The following FHIT variants were observed in gnomAD, a reference collection of about 807,000 sequenced individuals.
FHIT encodes bis(5'-adenosyl)-triphosphatase.
In FHIT, 19 loss-of-function variants were observed where a neutral mutation model predicts 17.9. The observed-to-expected ratio is 1.06, with a 90% CI of 0.74 to 1.56. The LOEUF (loss-of-function observed/expected upper bound fraction) is 1.56, where lower values mean the gene tolerates loss of function less well. Ranked by LOEUF, FHIT falls within the 40% of genes most tolerant of loss-of-function variation. The probability of loss-of-function intolerance (pLI) is 0.00; values close to 1 mark genes in which losing one functional copy is unlikely to be tolerated. For synonymous variants in FHIT, 81 were observed against 69.7 expected (o/e 1.16, Z -0.81); for missense variants, 248 against 189.2 (o/e 1.31, Z -1.82).
At chr3:60,467,733 GA>G (rs2032876704) in intron 5 of FHIT, among the ~76,000 whole-genome samples, 1 of 151,968 alleles carries the variant, frequency 6.6e-6, no homozygotes, top group Non-Finnish European at 1.5e-5. Flanking sequence ...TTTGTGGCCT[GA>G]AATATGGTCT....
chr3:60,372,260 T>C (rs1258252598), intron 5 of FHIT, among the ~76,000 whole-genome samples: 1 of 152,132 alleles, frequency 6.6e-6, no homozygotes, highest in African/African-American at 2.4e-5. Flanking sequence ...GACGTATTCA[T>C]CTTTAAGCCA....
intron 1 of FHIT, among the ~76,000 whole-genome samples, chr3:61,243,209 T>C (rs2040413347): frequency 6.6e-6 from 1 of 152,206 alleles, no homozygotes; most frequent in South Asian, 2.1e-4. Context: ...TTGTCTAGTT[T>C]CTTCTCCACA....
chr3:60,133,641 A>G (rs1699689680), intron 5 of FHIT, among the ~76,000 whole-genome samples: 1 of 151,908 alleles, frequency 6.6e-6, no homozygotes, highest in African/African-American at 2.4e-5. Context: ...AGTCACCTAC[A>G]TGGTCTGCTG....
chr3:60,121,411 C>A (rs1013428488), intron 5 of FHIT, among the ~76,000 whole-genome samples: 8 of 152,108 alleles, frequency 5.3e-5, no homozygotes, highest in African/African-American at 1.4e-4. Flanking sequence ...ACAGGCCGGG[C>A]ACAGTGGCTC....
intron 3 of FHIT, among the ~76,000 whole-genome samples, chr3:61,025,727 A>T (rs1254906385): frequency 6.6e-6 from 1 of 151,980 alleles, no homozygotes; most frequent in Non-Finnish European, 1.5e-5. Flanking sequence ...TTACTCAGGT[A>T]CTGTTTGTTA....
intron 5 of FHIT, among the ~76,000 whole-genome samples, chr3:60,135,579 A>G (rs1489312072): frequency 6.6e-6 from 1 of 152,144 alleles, no homozygotes; most frequent in Non-Finnish European, 1.5e-5. Context: ...AGAGGAGAAG[A>G]GGTTCTACAT....
intron 5 of FHIT, among the ~76,000 whole-genome samples, chr3:60,124,043 G>GAGAGAGAGAGAGACAC (rs1705419057): frequency 8.7e-6 from 1 of 115,504 alleles, no homozygotes; most frequent in Non-Finnish European, 1.8e-5. Context: ...GAGAGAGAGA[G>GAGAGAGAGAGAGACAC]AGAGAGAGAG....
chr3:61,194,015 G>T lies in FHIT; in HGVS notation c.-164+6602C>A, dbSNP rs188675321. On this transcript the variant is annotated intron_variant, in intron 2 of 9. Coordinates refer to ENST00000492590, the MANE Select transcript of FHIT (RefSeq NM_002012.4). ...AAATGTGGTAGAACAAAAGGGGTGTGTTCTACTGGAAATAGAAAATAGATT... is the reference window on the plus strand; with the variant it reads ...AAATGTGGTAGAACAAAAGGGGTGTTTTCTACTGGAAATAGAAAATAGATT... Among the ~76,000 whole-genome samples the T allele has an allele frequency of 3.4e-5, 4 of 118,546 alleles. No homozygotes were observed. The South Asian group carries it at 1.2e-3, about 34-fold the overall frequency. The allele number at this position is 118,546 out of a possible 152,430, so 77.8% of individuals were successfully genotyped here.
rs1700748039 is a variant in FHIT, at chr3:59,749,205, A to G, written c.*380T>C. On this transcript the variant is annotated 3_prime_UTR_variant, in exon 10 of 10. Transcript: ENST00000492590. The stretch of plus-strand genomic sequence containing the variant: ...ATTTTTTTTGAAAAGGGAAGAAATA[A>G]GCAGGTGGACCAATCCAACGATTGA... The G allele has an allele frequency of 4.3e-6, 1 of 230,592 alleles. No individual in the cohort carries two copies. Among genetic ancestry groups the G allele is most frequent in the African/African-American group, 2.2e-5 (1 of 45,190 alleles). 14.3% of individuals were successfully genotyped at this position (230,592 alleles called of 1,614,324 possible). A position where few individuals can be genotyped will look rare whatever the true frequency, so the allele number is the denominator to read the frequency against.
rs1701133892 is a variant in FHIT, at chr3:60,389,304, C to T, written c.103+147556G>A. Reference sequence around the variant, plus strand: ...GCATGCTGAAGTGTGAGGCTTACTACCCTGCATGATATTTATGGCAAGTTT... The same window carrying T: ...GCATGCTGAAGTGTGAGGCTTACTATCCTGCATGATATTTATGGCAAGTTT... On this transcript the variant is annotated intron_variant, in intron 5 of 9. Transcript: ENST00000492590. 2.0e-5 allele frequency among the ~76,000 whole-genome samples: 3 copies of T among 151,112 alleles called. No individual in the cohort carries two copies. The South Asian group carries it at 6.2e-4, about 31-fold the overall frequency.
intron 8 of FHIT, among the ~76,000 whole-genome samples, chr3:59,884,008 C>G (rs1263538299): frequency 6.6e-6 from 1 of 152,132 alleles, no homozygotes; most frequent in Admixed American, 6.6e-5. Context: ...TCACTTTTGT[C>G]TTGTTTATGT....
chr3:60,516,512 G>T (rs1331864457), intron 5 of FHIT, among the ~76,000 whole-genome samples: 1 of 152,146 alleles, frequency 6.6e-6, no homozygotes, highest in African/African-American at 2.4e-5. Flanking sequence ...CTGGTCTAGA[G>T]AAAGGACTCT....
At chr3:61,028,798 G>C (rs772507585) in intron 3 of FHIT, among the ~76,000 whole-genome samples, 3 of 151,628 alleles carry the variant, frequency 2.0e-5, no homozygotes, top group Non-Finnish European at 4.4e-5. Context: ...AGCCTTGAGA[G>C]TTGAAATGGC....
intron 2 of FHIT, among the ~76,000 whole-genome samples, chr3:61,103,756 T>C (rs1424288844): frequency 6.6e-6 from 1 of 152,214 alleles, no homozygotes; most frequent in Non-Finnish European, 1.5e-5. Context: ...GGTGCATATA[T>C]ATTTAGGAGA....
At chr3:60,422,058 A>G (rs1171894317) in intron 5 of FHIT, among the ~76,000 whole-genome samples, 1 of 152,128 alleles carries the variant, frequency 6.6e-6, no homozygotes, top group Non-Finnish European at 1.5e-5. Flanking sequence ...TGACATCTTA[A>G]ATGCCTCTGC....
intron 7 of FHIT, among the ~76,000 whole-genome samples, chr3:59,929,363 G>GTTTTTTTTTTTTT (rs869243844): frequency 3.1e-4 from 21 of 67,068 alleles, no homozygotes; most frequent in Non-Finnish European, 3.8e-4. Context: ...TGTTTTTTTG[G>GTTTTTTTTTTTTT]TTTTTTTTTT....
intron 5 of FHIT, among the ~76,000 whole-genome samples, chr3:60,535,491 T>C (rs151294031): frequency 4.6e-5 from 7 of 152,248 alleles, no homozygotes; most frequent in African/African-American, 1.7e-4. Context: ...AAATAAAATG[T>C]TACTTCAAGA....
intron 5 of FHIT, among the ~76,000 whole-genome samples, chr3:60,153,894 T>C (rs76126371): frequency 5.7e-4 from 87 of 152,238 alleles, no homozygotes; most frequent in African/African-American, 2.0e-3. Flanking sequence ...GGGCATACAA[T>C]GAAGAACAAG....
At chr3:59,979,507 A>T (rs1708557120) in intron 7 of FHIT, among the ~76,000 whole-genome samples, 1 of 152,162 alleles carries the variant, frequency 6.6e-6, no homozygotes, top group Non-Finnish European at 1.5e-5. Context: ...CAGCTATGAG[A>T]ATAAACAATT....
Sources: gnomAD v4.1 joint callset for allele counts (sites outside exome capture counted in the v4.1 genomes callset) on GRCh38, gnomAD v4.1.1 for gene constraint, MANE v1.5 for transcripts, NCBI Gene and HGNC (gene_info 2026-07-23, HGNC 2026-07-21) for gene names.